ZMIZ1: variants seen among roughly 807,000 people sequenced by gnomAD.
The protein encoded by ZMIZ1 is zinc finger MIZ-type containing 1.
A neutral mutation model predicts 113.9 loss-of-function variants in ZMIZ1; 17 were observed. The observed-to-expected ratio is 0.15, with a 90% confidence interval of 0.10 to 0.22. The LOEUF (loss-of-function observed/expected upper bound fraction) is 0.22. Ranked by LOEUF, ZMIZ1 falls within the 10% of genes least tolerant of loss-of-function variation. The probability of loss-of-function intolerance (pLI) is 1.00; values close to 1 mark genes in which losing one functional copy is unlikely to be tolerated. For synonymous variants in ZMIZ1, 607 were observed against 603.1 expected (o/e 1.01, Z -0.09); for missense variants, 1,059 against 1,477.8 (o/e 0.72, Z 4.65).
chr10:79,213,923 C>G (rs575537007), intron 6 of ZMIZ1, among the ~76,000 whole-genome samples: 8 of 152,294 alleles, frequency 5.3e-5, no homozygotes, highest in Admixed American at 2.6e-4. Flanking sequence ...CACCTATGTA[C>G]GTGGGAGCCA....
intron 1 of ZMIZ1, among the ~76,000 whole-genome samples, chr10:79,090,099 T>G (rs1842941890): frequency 6.6e-6 from 1 of 152,210 alleles, no homozygotes; most frequent in African/African-American, 2.4e-5. Context: ...CCTACTGCTG[T>G]GTCTTAAGGC....
At chr10:79,214,750 C>G (rs543845954) in intron 6 of ZMIZ1, among the ~76,000 whole-genome samples, 47 of 152,308 alleles carry the variant, frequency 3.1e-4, no homozygotes, top group African/African-American at 1.1e-3. Context: ...TGGGTGCTCT[C>G]CCTACTCAGC....
At chr10:79,080,252 C>T (rs1842612039) in intron 1 of ZMIZ1, among the ~76,000 whole-genome samples, 1 of 151,880 alleles carries the variant, frequency 6.6e-6, no homozygotes, top group African/African-American at 2.4e-5. Flanking sequence ...GCTCCACAAC[C>T]TCCCTGCGCC....
intron 1 of ZMIZ1, among the ~76,000 whole-genome samples, chr10:79,079,027 T>G (rs1378390655): frequency 6.6e-6 from 1 of 152,262 alleles, no homozygotes; most frequent in Non-Finnish European, 1.5e-5. Flanking sequence ...GGACAGTGTC[T>G]GCAGAGGCAG....
At chr10:79,305,324 C>T in intron 20 of ZMIZ1, 93 bp downstream of exon 20, 5 of 1,443,302 alleles carry the variant, frequency 3.5e-6, no homozygotes, top group South Asian at 3.5e-5. Flanking sequence ...GCCCTAAATG[C>T]AAACCAGAAC....
At chr10:79,307,127 C>A (rs1184331591) in intron 22 of ZMIZ1, among the ~76,000 whole-genome samples, 1 of 152,110 alleles carries the variant, frequency 6.6e-6, no homozygotes, top group South Asian at 2.1e-4. Flanking sequence ...GGCCATGTCC[C>A]CCACTCCCCA....
chr10:79,137,776 C>T (rs915053579), intron 2 of ZMIZ1, among the ~76,000 whole-genome samples: 5 of 151,010 alleles, frequency 3.3e-5, no homozygotes, highest in African/African-American at 9.8e-5. Context: ...GCCCAGAGGT[C>T]GTGAGGGCTG....
Position 79,216,178 on chromosome 10 carries a change from C to T in ZMIZ1, c.184C>T (p.Arg62Trp), listed in dbSNP as rs1848721314. The change falls in exon 7 of 25, where the codon CGG becomes TGG. Residue 62 changes from arginine (R) to tryptophan (W), a missense_variant. This residue lies in a region of ZMIZ1 where 272 missense variants were observed against 350.4 expected (regional missense o/e 0.78). Transcript: ENST00000334512. ...CCCCTCTTGCTTTCAGGTGGTCAGT[C>T]GGGTGGCAGCCCAGCAAGGCTTTGA... ...SLMGCLTVVS[R>W]VAAQQGFDLD... is the part of the protein sequence containing the mutation. 4 of 1,504,698 alleles carry T rather than the reference C, an allele frequency of 2.7e-6. No individual in the cohort carries two copies. The highest frequency in any genetic ancestry group is 3.6e-6 in the Non-Finnish European group (4 of 1,119,332). 93.2% of individuals were successfully genotyped at this position (1,504,698 alleles called of 1,614,324 possible). A position where few individuals can be genotyped will look rare whatever the true frequency, so the allele number is the denominator to read the frequency against.
intron 1 of ZMIZ1, among the ~76,000 whole-genome samples, chr10:79,087,282 C>T (rs887294394): frequency 6.6e-6 from 1 of 152,284 alleles, no homozygotes; most frequent in Non-Finnish European, 1.5e-5. Flanking sequence ...GGAAGGGGAG[C>T]CTGGTTCTAA....
At chr10:79,105,307 T>C (rs1376285116) in intron 1 of ZMIZ1, among the ~76,000 whole-genome samples, 2 of 152,196 alleles carry the variant, frequency 1.3e-5, no homozygotes, top group Non-Finnish European at 2.9e-5. Flanking sequence ...AGAGAGATCT[T>C]GTGCTTAGGC....
intron 4 of ZMIZ1, among the ~76,000 whole-genome samples, chr10:79,188,478 C>G (rs1201126328): frequency 6.6e-6 from 1 of 152,166 alleles, no homozygotes; most frequent in Non-Finnish European, 1.5e-5. Context: ...GTGGCCATGG[C>G]TTTCATGAAG....
chr10:79,282,862 C>G (rs1403423539), intron 8 of ZMIZ1, among the ~76,000 whole-genome samples: 1 of 152,174 alleles, frequency 6.6e-6, no homozygotes, highest in Admixed American at 6.5e-5. Flanking sequence ...TCACAGATAC[C>G]CAGGATACTA....
At chr10:79,310,191 C>T (rs1372674955) in intron 23 of ZMIZ1, among the ~76,000 whole-genome samples, 6 of 152,306 alleles carry the variant, frequency 3.9e-5, no homozygotes, top group African/African-American at 1.4e-4. Context: ...GTGCCTGCCT[C>T]CCTCACAACC....
chr10:79,307,598 C>T, intron 23 of ZMIZ1, 27 bp downstream of exon 23: 1 of 1,604,224 alleles, frequency 6.2e-7, no homozygotes, highest in Non-Finnish European at 8.5e-7. Context: ...CACCCCATTC[C>T]ATTCCCCAGC....
At chr10:79,216,838 G>A (rs1323310597) in intron 7 of ZMIZ1, among the ~76,000 whole-genome samples, 3 of 152,234 alleles carry the variant, frequency 2.0e-5, no homozygotes, top group African/African-American at 4.8e-5. Flanking sequence ...GTTCCGTATT[G>A]CAACTTTGTC....
intron 5 of ZMIZ1, among the ~76,000 whole-genome samples, chr10:79,207,184 C>T (rs1848351275): frequency 6.6e-6 from 1 of 152,202 alleles, no homozygotes; most frequent in South Asian, 2.1e-4. Flanking sequence ...GCTCATGCTG[C>T]AGGTCGAATG....
intron 4 of ZMIZ1, among the ~76,000 whole-genome samples, chr10:79,193,461 G>C (rs1031773355): frequency 1.4e-4 from 22 of 152,180 alleles, no homozygotes; most frequent in African/African-American, 4.3e-4. Flanking sequence ...TTATGGCTGG[G>C]TGATGGGTTT....
intron 15 of ZMIZ1, 96 bp downstream of exon 15, chr10:79,298,676 A>C (rs1451087163): frequency 4.2e-6 from 5 of 1,180,434 alleles, no homozygotes; most frequent in Non-Finnish European, 6.0e-6. Flanking sequence ...GGGAGTGGGC[A>C]TCAGAAGGGG....
intron 12 of ZMIZ1, chr10:79,295,315 A>G (rs1853812685): frequency 6.6e-6 from 1 of 152,230 alleles, no homozygotes; most frequent in South Asian, 2.1e-4. Flanking sequence ...AGAGCACACC[A>G]AAGGCTCTCC....
Sources: gnomAD v4.1 joint callset for allele counts (sites outside exome capture counted in the v4.1 genomes callset) on GRCh38, gnomAD v4.1.1 for gene constraint, gnomAD v4.1.1 regional missense constraint, MANE v1.5 for transcripts, NCBI Gene and HGNC (gene_info 2026-07-23, HGNC 2026-07-21) for gene names.